NKAIN3: variants seen among roughly 807,000 people sequenced by gnomAD.
The protein encoded by NKAIN3 is sodium/potassium transporting ATPase interacting 3.
A neutral mutation model predicts 30.2 loss-of-function variants in NKAIN3; 25 were observed. That is an observed-to-expected ratio of 0.83 (90% confidence interval 0.60 to 1.16). The LOEUF is 1.16. Ranked by LOEUF, NKAIN3 falls within the 50% of genes most tolerant of loss-of-function variation. The pLI, the probability that NKAIN3 is intolerant of heterozygous loss-of-function variation, is 0.00. For synonymous variants in NKAIN3, 91 were observed against 89.6 expected, an observed-to-expected ratio of 1.02 and a Z score of -0.09; for missense variants, 225 against 254.1, an observed-to-expected ratio of 0.89 and a Z score of 0.78.
intron 3 of NKAIN3, among the ~76,000 whole-genome samples, chr8:62,693,274 T>A (rs1041588645): frequency 2.6e-5 from 4 of 152,222 alleles, no homozygotes; most frequent in Non-Finnish European, 4.4e-5. Context: ...AGTAAAAAAT[T>A]ATTTTTTGAA....
chr8:62,696,209 A>G (rs1385232073), intron 3 of NKAIN3, among the ~76,000 whole-genome samples: 3 of 152,100 alleles, frequency 2.0e-5, no homozygotes, highest in African/African-American at 7.2e-5. Context: ...ACAATACTGA[A>G]CTGTTCTGTT....
intron 4 of NKAIN3, among the ~76,000 whole-genome samples, chr8:62,780,306 C>T (rs900712805): frequency 6.6e-6 from 1 of 151,970 alleles, no homozygotes; most frequent in Non-Finnish European, 1.5e-5. Flanking sequence ...TAAAATGTCT[C>T]CCAACAAAGA....
intron 1 of NKAIN3, among the ~76,000 whole-genome samples, chr8:62,528,837 G>A (rs1308392078): frequency 6.6e-6 from 1 of 152,114 alleles, no homozygotes; most frequent in Admixed American, 6.6e-5. Flanking sequence ...AGAATACCTG[G>A]GAAAGGGCGA....
intron 1 of NKAIN3, among the ~76,000 whole-genome samples, chr8:62,400,163 CTTT>C (rs71255333): frequency 8.2e-6 from 1 of 122,252 alleles, no homozygotes; most frequent in Non-Finnish European, 1.7e-5. Context: ...GCTATATTTT[CTTT>C]TTTTTTTTTT....
chr8:62,716,272 G>C (rs953282962), intron 3 of NKAIN3, among the ~76,000 whole-genome samples: 4 of 152,064 alleles, frequency 2.6e-5, no homozygotes, highest in Non-Finnish European at 5.9e-5. Context: ...ATGATAATAC[G>C]TGTCATCCCG....
chr8:62,750,332 G>T (rs1270831381), intron 4 of NKAIN3, among the ~76,000 whole-genome samples: 1 of 152,134 alleles, frequency 6.6e-6, no homozygotes, highest in Non-Finnish European at 1.5e-5. Flanking sequence ...TCTCCTCCAT[G>T]AATACAGCCT....
intron 3 of NKAIN3, among the ~76,000 whole-genome samples, chr8:62,716,172 C>T (rs894745796): frequency 2.6e-5 from 4 of 152,002 alleles, no homozygotes; most frequent in Admixed American, 2.6e-4. Context: ...ATGAACCTCC[C>T]AATAAGAAGA....
At chr8:62,625,294 G>T (rs181908257) in intron 3 of NKAIN3, among the ~76,000 whole-genome samples, 1 of 152,184 alleles carries the variant, frequency 6.6e-6, no homozygotes, top group African/African-American at 2.4e-5. Context: ...CATAAGTGCT[G>T]TCTCATTTAA....
At chr8:62,833,747 C>T (rs575306218) in intron 4 of NKAIN3, among the ~76,000 whole-genome samples, 3 of 150,654 alleles carry the variant, frequency 2.0e-5, no homozygotes, top group Non-Finnish European at 4.4e-5. Context: ...GCAAGATGTA[C>T]AAAGAAGAGC....
intron 1 of NKAIN3, among the ~76,000 whole-genome samples, chr8:62,503,332 A>G (rs1331131008): frequency 1.3e-5 from 2 of 152,210 alleles, no homozygotes; most frequent in Non-Finnish European, 2.9e-5. Flanking sequence ...GGAGTAGGTC[A>G]CATGCTTCAA....
chr8:62,717,237 G>A (rs1206424917), intron 3 of NKAIN3, among the ~76,000 whole-genome samples: 3 of 152,102 alleles, frequency 2.0e-5, no homozygotes, highest in Admixed American at 2.0e-4. Context: ...TTTATAGAAA[G>A]AATATTCATT....
intron 4 of NKAIN3, among the ~76,000 whole-genome samples, chr8:62,747,673 G>A (rs574790673): frequency 6.6e-6 from 1 of 152,210 alleles, no homozygotes; most frequent in Non-Finnish European, 1.5e-5. Flanking sequence ...GAAGGTTAAT[G>A]TGCCAGGGAT....
chr8:62,701,934 A>AGTGCG (rs1563522684), intron 3 of NKAIN3, among the ~76,000 whole-genome samples: 1 of 152,194 alleles, frequency 6.6e-6, no homozygotes, highest in Non-Finnish European at 1.5e-5. Context: ...CAGAATGCGC[A>AGTGCG]GTGCGGCATC....
chr8:62,888,478 C>T (rs953995524), intron 4 of NKAIN3, among the ~76,000 whole-genome samples: 3 of 152,126 alleles, frequency 2.0e-5, no homozygotes, highest in Non-Finnish European at 4.4e-5. Flanking sequence ...GTTTTCTACC[C>T]GGTTTAGGTT....
intron 4 of NKAIN3, among the ~76,000 whole-genome samples, chr8:62,775,964 C>A (rs1260124523): frequency 6.6e-6 from 1 of 151,948 alleles, no homozygotes; most frequent in Non-Finnish European, 1.5e-5. Flanking sequence ...TCTGGGTACA[C>A]ATATATTTAC....
At chr8:62,816,311 T>C (rs1281283041) in intron 4 of NKAIN3, among the ~76,000 whole-genome samples, 3 of 152,184 alleles carry the variant, frequency 2.0e-5, no homozygotes, top group South Asian at 2.1e-4. Flanking sequence ...CAGTGGTGTA[T>C]ACAATTGTCT....
At chr8:62,993,296 C>G (rs1204868641) in intron 5 of NKAIN3, among the ~76,000 whole-genome samples, 2 of 152,134 alleles carry the variant, frequency 1.3e-5, no homozygotes, top group African/African-American at 4.8e-5. Context: ...GCCACACAAC[C>G]TTTTATTACA....
chr8:62,926,412 G>A (rs1822444553), intron 5 of NKAIN3, among the ~76,000 whole-genome samples: 2 of 152,194 alleles, frequency 1.3e-5, no homozygotes, highest in Non-Finnish European at 2.9e-5. Context: ...CTGCACGTCT[G>A]TCCCTAAGCT....
chr8:62,383,609 T>C (rs1817339618), intron 1 of NKAIN3: 2 of 439,504 alleles, frequency 4.6e-6, no homozygotes. Context: ...TGACAGTTTT[T>C]TAAGCCAAGT....
Sources: gnomAD v4.1 joint callset for allele counts (sites outside exome capture counted in the v4.1 genomes callset) on GRCh38, gnomAD v4.1.1 for gene constraint, MANE v1.5 for transcripts, NCBI Gene and HGNC (gene_info 2026-07-23, HGNC 2026-07-21) for gene names.